The following ARSG variants were observed in gnomAD, a reference collection of about 807,000 sequenced individuals.
ARSG encodes the protein ASG.
ARSG carries 37 observed loss-of-function variants against 50.5 expected under a neutral mutation model. The observed-to-expected ratio is 0.73, with a 90% CI of 0.56 to 0.96. The LOEUF (loss-of-function observed/expected upper bound fraction) is 0.96, where lower values mean the gene tolerates loss of function less well. Ranked by LOEUF, ARSG falls within the 50% of genes least tolerant of loss-of-function variation. The pLI, the probability that ARSG is intolerant of heterozygous loss-of-function variation, is 0.00. For synonymous variants in ARSG, 225 were observed against 254.6 expected (o/e 0.88, Z 1.11); for missense variants, 629 against 675.3 (o/e 0.93, Z 0.76).
chr17:68,289,182 C>A (rs1043848632), upstream of ARSG, among the ~76,000 whole-genome samples: 47 of 151,942 alleles, frequency 3.1e-4, no homozygotes, highest in Non-Finnish European at 5.4e-4. Flanking sequence ...TGTGTCTCTA[C>A]AAAAAAATTA....
At position 68,395,160 on chromosome 17, in the gene ARSG, G is replaced by T; in HGVS notation, c.1179G>T (p.Glu393Asp). The change falls in exon 10 of 12, where the codon GAG (glutamate) becomes GAT (aspartate). Residue 393 changes from glutamate (E) to aspartate (D), a missense_variant. Physicochemically the swap from Glu to Asp is conservative, Grantham distance 45. Transcript: ENST00000621439. ...GCTTTGATGGTGTGGACGTCTCCGA[G>T]GTGCTCTTTGGCCGGTCACAGCCTG... ...GRRFDGVDVS[E>D]VLFGRSQPGH... 1.2e-6 allele frequency: 2 copies of T among 1,614,104 alleles called. No individual in the cohort carries two copies. The highest frequency in any genetic ancestry group is 1.7e-6 in the Non-Finnish European group (2 of 1,179,974).
At chr17:68,328,777 C>T (rs1306709770) in intron 2 of ARSG, among the ~76,000 whole-genome samples, 2 of 152,148 alleles carry the variant, frequency 1.3e-5, no homozygotes, top group African/African-American at 2.4e-5. Flanking sequence ...GGGATGAAGT[C>T]ATGGGACCTG....
chr17:68,315,241 T>G lies in ARSG; in HGVS notation c.218+7530T>G, dbSNP rs145089586. The stretch of plus-strand genomic sequence containing the variant: ...TCAAGATTTGGCCAGCTTTCCCATA[T>G]GGCTGTCAAAGAGCAGGAGGCCAGG... On this transcript the variant is annotated intron_variant, in intron 2 of 11. Transcript: ENST00000621439. 9.2e-5 allele frequency among the ~76,000 whole-genome samples: 14 copies of G among 152,298 alleles called. 1 individual carries two copies. The East Asian group carries it at 2.7e-3, about 29-fold the overall frequency.
At chr17:68,401,333 T>A in intron 10 of ARSG, 27 bp from the exon 11 acceptor site, 2 of 1,606,324 alleles carry the variant, frequency 1.2e-6, no homozygotes, top group Non-Finnish European at 1.7e-6. Flanking sequence ...AATTTTTCTA[T>A]TAGTAAGCTC....
intron 2 of ARSG, 44 bp downstream of exon 2, chr17:68,307,755 C>G (rs2076664521): frequency 9.1e-7 from 1 of 1,094,330 alleles, no homozygotes; most frequent in Non-Finnish European, 1.4e-6. Context: ...GGATGTCTTA[C>G]TCCCGTTCTT....
chr17:68,430,185 A>G, the ARSG span: 5 of 1,600,504 alleles, frequency 3.1e-6, no homozygotes, highest in Admixed American at 5.2e-5. Flanking sequence ...ACAGGCAACG[A>G]TGGGACTGGG....
rs1792941934 is a variant in ARSG at position 68,307,518 on chromosome 17, T to C, written c.25T>C (p.Leu9=). Reference sequence around the variant, plus strand: ...CATGGGCTGGCTTTTTCTAAAGGTTTTGTTGGCGGGAGTGAGTTTCTCAGG... The same window carrying C: ...CATGGGCTGGCTTTTTCTAAAGGTTCTGTTGGCGGGAGTGAGTTTCTCAGG... MGWLFLKV[L]LAGVSFSGFL... The change falls in exon 2 of 12, where the codon TTG becomes CTG. Residue 9 remains leucine, a synonymous_variant. Coordinates refer to ENST00000621439, the MANE Select transcript of ARSG (RefSeq NM_001267727.2). 1 of 1,613,974 alleles carries C rather than the reference T, an allele frequency of 6.2e-7. No individual in the cohort carries two copies.
chr17:68,273,252 A>G (rs6501342), intron 1 of ARSG, among the ~76,000 whole-genome samples: 28,569 of 151,326 alleles, frequency 0.19, 2,751 homozygotes, highest in Middle Eastern at 0.28. Flanking sequence ...TCTGTTGCCC[A>G]GGCTGGAGTG....
At chr17:68,339,029 G>A (rs1421554615) in intron 2 of ARSG, among the ~76,000 whole-genome samples, 1 of 152,162 alleles carries the variant, frequency 6.6e-6, no homozygotes, top group Non-Finnish European at 1.5e-5. Context: ...GCCAGCTTAA[G>A]GGGCCAAGGC....
rs1568608726 is a variant in ARSG, at chr17:68,420,223, T to C, written c.1338T>C (p.Pro446=). The C allele has an allele frequency of 6.2e-7, 1 of 1,614,152 alleles. No individual in the cohort carries two copies. Among genetic ancestry groups the C allele is most frequent in the Non-Finnish European group, 8.5e-7 (1 of 1,180,022 alleles). The part of the protein sequence containing the change: ...GARACDGSTG[P]ELQHKFPLIF... ...GGGCGTGTGATGGGAGCACGGGGCCTGAGCTGCAGCATAAGTTTCCTCTGA... is the reference window on the plus strand; with the variant it reads ...GGGCGTGTGATGGGAGCACGGGGCCCGAGCTGCAGCATAAGTTTCCTCTGA... Residue 446 remains proline (P), a synonymous_variant, in exon 12 of 12, where the codon CCT becomes CCC. Coordinates refer to ENST00000621439, the MANE Select transcript of ARSG (RefSeq NM_001267727.2).
chr17:68,343,585 C>A lies in ARSG; in HGVS notation c.219-19C>A. ...TTCCTGTGGTTGGTGCGGTCCTGAC[C>A]ACTGTCCTTTCCCTGCAGGTTTGTG... On this transcript the variant is annotated intron_variant, in intron 2 of 11. Coordinates refer to ENST00000621439, the MANE Select transcript of ARSG (RefSeq NM_001267727.2). 1 of 1,594,236 alleles carries A rather than the reference C, an allele frequency of 6.3e-7. No homozygotes were observed. Among genetic ancestry groups the A allele is most frequent in the Non-Finnish European group, 8.6e-7 (1 of 1,168,084 alleles).
At position 68,307,353 on chromosome 17, in the gene ARSG, GC is replaced by G; in HGVS notation, c.-139del. 1 of 663,210 alleles carries G rather than the reference GC, an allele frequency of 1.5e-6. No individual in the cohort carries two copies. The allele number at this position is 663,210 out of a possible 1,614,324, so 41.1% of individuals were successfully genotyped here. On this transcript the variant is annotated 5_prime_UTR_variant, in exon 2 of 12. Transcript: ENST00000621439. ...AGCCGTTATCACTGCCATCACCACT[GC>G]CACCAGCATCTTCTTGCAGATTCCA...
chr17:68,412,614 T>C (rs1253733693), intron 11 of ARSG, among the ~76,000 whole-genome samples: 1 of 152,216 alleles, frequency 6.6e-6, no homozygotes, highest in African/African-American at 2.4e-5. Flanking sequence ...GTTGCTCTTC[T>C]TGAGGAATAT....
At chr17:68,384,199 G>A (rs760323090) in intron 8 of ARSG, among the ~76,000 whole-genome samples, 1 of 152,168 alleles carries the variant, frequency 6.6e-6, no homozygotes, top group African/African-American at 2.4e-5. Context: ...TAACTTTGTG[G>A]GATCCTTGGC....
chr17:68,335,638 G>A (rs778916846), intron 2 of ARSG, among the ~76,000 whole-genome samples: 6 of 152,258 alleles, frequency 3.9e-5, no homozygotes, highest in African/African-American at 7.2e-5. Flanking sequence ...GTATTGGGGC[G>A]TGGCAGATAG....
At chr17:68,426,657 G>A (rs140377798), downstream of ARSG, among the ~76,000 whole-genome samples, 205 of 152,146 alleles carry the variant, frequency 1.3e-3, no homozygotes, top group African/African-American at 4.7e-3. Flanking sequence ...CTCAGCCTCC[G>A]GAGTAGCTGG....
chr17:68,286,852 C>G (rs2075853377), upstream of ARSG, among the ~76,000 whole-genome samples: 2 of 152,154 alleles, frequency 1.3e-5, no homozygotes, highest in Admixed American at 1.3e-4. Flanking sequence ...TTAAGCGAAG[C>G]CTGGTGGCCC....
At chr17:68,379,794 A>G in intron 8 of ARSG, 1 of 985,092 alleles carries the variant, frequency 1.0e-6, no homozygotes, top group Non-Finnish European at 1.2e-6. Context: ...AACACTAGGC[A>G]TGCCCAACCA....
At chr17:68,445,108 C>T in the ARSG span, among the ~76,000 whole-genome samples, 9 of 152,002 alleles carry the variant, frequency 5.9e-5, no homozygotes, top group South Asian at 2.1e-4. Context: ...TTAGTAGAGA[C>T]GGGGTTTCAC....
Sources: gnomAD v4.1 joint callset for allele counts (sites outside exome capture counted in the v4.1 genomes callset) on GRCh38, gnomAD v4.1.1 for gene constraint, MANE v1.5 for transcripts, NCBI Gene and HGNC (gene_info 2026-07-23, HGNC 2026-07-21) for gene names.